Variants in SMG6 observed in about 807,000 individuals in gnomAD.
SMG6 encodes the protein SMG6 nonsense mediated mRNA decay factor.
In SMG6, 66 loss-of-function variants were observed where a neutral mutation model predicts 142.2. That is an observed-to-expected ratio of 0.46 (90% confidence interval 0.38 to 0.57). The LOEUF (loss-of-function observed/expected upper bound fraction) is 0.57. SMG6 is among the 20% of genes least tolerant of loss of function. The pLI, the probability that SMG6 is intolerant of heterozygous loss-of-function variation, is 0.00. For synonymous variants in SMG6, 779 were observed against 702.4 expected, an observed-to-expected ratio of 1.11 and a Z score of -1.72; for missense variants, 1,793 against 1,832.0, an observed-to-expected ratio of 0.98 and a Z score of 0.39.
intron 13 of SMG6, among the ~76,000 whole-genome samples, chr17:2,168,094 CT>C (rs1441786037): frequency 1.3e-5 from 2 of 152,164 alleles, no homozygotes; most frequent in Admixed American, 6.6e-5. Flanking sequence ...TTTAGAGATC[CT>C]GGTCTCAAGT....
chr17:2,090,256 C>A lies in SMG6; in HGVS notation c.3358-4355G>T, dbSNP rs536725979. Among the ~76,000 whole-genome samples, 50 of 139,118 alleles carry A rather than the reference C, an allele frequency of 3.6e-4. 1 individual carries two copies. The highest frequency in any genetic ancestry group is 3.0e-3 in the South Asian group (13 of 4,324). 91.3% of individuals were successfully genotyped at this position (139,118 alleles called of 152,430 possible). On this transcript the variant is annotated intron_variant, in intron 13 of 18. Coordinates refer to ENST00000263073, the MANE Select transcript of SMG6 (RefSeq NM_017575.5). ...AAACTGGTGACTCTTCACAGCCACTCGGTAGGGAACAAGCACAGTGTGGGT... is the reference window on the plus strand; with the variant it reads ...AAACTGGTGACTCTTCACAGCCACTAGGTAGGGAACAAGCACAGTGTGGGT...
At chr17:2,209,425 C>T (rs889303360) in intron 10 of SMG6, among the ~76,000 whole-genome samples, 7 of 152,114 alleles carry the variant, frequency 4.6e-5, no homozygotes, top group Non-Finnish European at 1.0e-4. Flanking sequence ...AGTGCAGTAG[C>T]ACGATCTCGG....
chr17:2,143,015 C>T (rs900663575), intron 13 of SMG6, among the ~76,000 whole-genome samples: 4 of 151,114 alleles, frequency 2.6e-5, no homozygotes, highest in African/African-American at 9.7e-5. Flanking sequence ...AAGTGAAAAT[C>T]ACAACTGAGA....
chr17:2,108,997 C>T (rs2069233450), intron 13 of SMG6, among the ~76,000 whole-genome samples: 1 of 152,182 alleles, frequency 6.6e-6, no homozygotes, highest in Admixed American at 6.5e-5. Flanking sequence ...TATGAAATAA[C>T]TAATGTCATC....
intron 8 of SMG6, among the ~76,000 whole-genome samples, chr17:2,247,181 G>A (rs1424675605): frequency 6.6e-6 from 1 of 152,176 alleles, no homozygotes; most frequent in East Asian, 1.9e-4. Flanking sequence ...CGCTTGACCT[G>A]TAAACACTCA....
intron 13 of SMG6, among the ~76,000 whole-genome samples, chr17:2,094,082 C>T (rs2151457404): frequency 6.6e-6 from 1 of 152,270 alleles, no homozygotes; most frequent in East Asian, 1.9e-4. Flanking sequence ...AGAGAGGCTC[C>T]AAGGTCCCGG....
chr17:2,139,086 G>C (rs1042523862), intron 13 of SMG6, among the ~76,000 whole-genome samples: 3 of 152,198 alleles, frequency 2.0e-5, no homozygotes, highest in Non-Finnish European at 4.4e-5. Flanking sequence ...TCAAGCATAA[G>C]AGGACGAAAG....
rs2068521080 is a variant in SMG6 at position 2,085,122 on chromosome 17, G to A, written c.3534+603C>T. Among the ~76,000 whole-genome samples, 1 of 152,088 alleles carries A rather than the reference G, an allele frequency of 6.6e-6. No homozygotes were observed. The highest frequency in any genetic ancestry group is 1.5e-5 in the Non-Finnish European group (1 of 68,002). ...TACACAGGCTCATGCATGTGCATGCGCGTGCGCACACACACACACAGACGC... is the reference window on the plus strand; with the variant it reads ...TACACAGGCTCATGCATGTGCATGCACGTGCGCACACACACACACAGACGC... On this transcript the variant is annotated intron_variant, in intron 14 of 18. Transcript: ENST00000263073. The surrounding 1 kb of genome is among the most constrained non-coding windows in gnomAD (Gnocchi z 4.1).
Position 2,065,061 on chromosome 17 carries a change from G to C in SMG6, c.4129+12C>G. On this transcript the variant is annotated intron_variant, in intron 18 of 18. Coordinates refer to ENST00000263073, the MANE Select transcript of SMG6 (RefSeq NM_017575.5). Reference sequence around the variant, plus strand: ...GGGGATGGAAGATCCCAAGGCGGAGGCAAAGCTGTACCTTTGCTGGCGGGC... The same window carrying C: ...GGGGATGGAAGATCCCAAGGCGGAGCCAAAGCTGTACCTTTGCTGGCGGGC... 1.2e-6 allele frequency: 2 copies of C among 1,610,302 alleles called. No homozygotes were observed. Among genetic ancestry groups the C allele is most frequent in the Non-Finnish European group, 1.7e-6 (2 of 1,176,850 alleles).
At chr17:2,213,432 C>A (rs1028218243) in intron 10 of SMG6, among the ~76,000 whole-genome samples, 1 of 152,158 alleles carries the variant, frequency 6.6e-6, no homozygotes, top group Admixed American at 6.6e-5. Context: ...GCCCTGATGC[C>A]GCAGCCAGCT....
chr17:2,096,727 G>C (rs907986981), intron 13 of SMG6, among the ~76,000 whole-genome samples: 1 of 152,076 alleles, frequency 6.6e-6, no homozygotes, highest in African/African-American at 2.4e-5. Context: ...GCCCTACTAT[G>C]TGACAGGGAC....
chr17:2,120,597 C>G (rs977269380), intron 13 of SMG6, among the ~76,000 whole-genome samples: 1 of 152,128 alleles, frequency 6.6e-6, no homozygotes, highest in African/African-American at 2.4e-5. Flanking sequence ...GTGGCACACA[C>G]CTGTAGTCTC....
At chr17:2,097,591 C>A (rs535601547) in intron 13 of SMG6, among the ~76,000 whole-genome samples, 7 of 152,148 alleles carry the variant, frequency 4.6e-5, no homozygotes, top group Non-Finnish European at 1.0e-4. Context: ...ACCTTTTAAA[C>A]CCAGATCTGC....
intron 12 of SMG6, 69 bp from the exon 13 acceptor site, chr17:2,172,928 T>A (rs2071550187): frequency 1.4e-6 from 2 of 1,440,644 alleles, no homozygotes; most frequent in South Asian, 2.4e-5. Flanking sequence ...TTCTCAGTAT[T>A]TGTGAGCAGG....
intron 8 of SMG6, among the ~76,000 whole-genome samples, chr17:2,279,998 T>C (rs16952083): frequency 6.6e-6 from 1 of 152,160 alleles, no homozygotes; most frequent in South Asian, 2.1e-4. Context: ...CACGGAACTA[T>C]AATGACACAC....
chr17:2,192,267 G>A (rs962835885), intron 10 of SMG6, among the ~76,000 whole-genome samples: 5 of 152,256 alleles, frequency 3.3e-5, no homozygotes, highest in African/African-American at 1.2e-4. Context: ...GGAGAGATTT[G>A]AAGGAAACCA....
chr17:2,297,380 G>A (rs1191062133), intron 3 of SMG6, 27 bp from the exon 4 acceptor site: 2 of 1,543,354 alleles, frequency 1.3e-6, no homozygotes, highest in African/African-American at 2.8e-5. Context: ...AGAAATGACT[G>A]AATCAATCTA....
At chr17:2,087,495 A>T in intron 13 of SMG6, 1 of 1,049,256 alleles carries the variant, frequency 9.5e-7, no homozygotes, top group Non-Finnish European at 1.2e-6. Context: ...ATAGGCTGGA[A>T]TCTCAAGCTA....
chr17:2,301,791 G>A (rs1252892353), intron 1 of SMG6, among the ~76,000 whole-genome samples: 3 of 152,234 alleles, frequency 2.0e-5, no homozygotes, highest in African/African-American at 4.8e-5. Flanking sequence ...GCAGTACGCG[G>A]AGATCGCGCC....
Sources: allele counts gnomAD v4.1 joint callset (sites outside exome capture counted in the v4.1 genomes callset), GRCh38; gene constraint gnomAD v4.1.1; non-coding constraint Gnocchi (gnomAD v3.1); transcripts MANE v1.5; gene names NCBI Gene and HGNC (gene_info 2026-07-23, HGNC 2026-07-21).